EVC2: variants seen among roughly 807,000 people sequenced by gnomAD.
The protein encoded by EVC2 is EvC ciliary complex subunit 2, also known as limbin.
Under a neutral mutation model 149.3 loss-of-function variants are expected in EVC2, and 148 were observed. The ratio of observed to expected loss-of-function variants is 0.99; its 90% confidence interval spans 0.87 to 1.14. The LOEUF (loss-of-function observed/expected upper bound fraction) is 1.14. EVC2 is among the 50% of genes most tolerant of loss of function. EVC2 has a pLI of 0.00. For missense variants in EVC2, 1,854 were observed against 1,627.3 expected (o/e 1.14, Z -2.40); for synonymous variants, 776 against 649.9 (o/e 1.19, Z -2.95).
chr4:5,588,611 GCTAA>G (rs1366617117), intron 16 of EVC2, among the ~76,000 whole-genome samples: 12 of 151,892 alleles, frequency 7.9e-5, no homozygotes, highest in Non-Finnish European at 1.2e-4. Context: ...ATATCTTCAA[GCTAA>G]CTAATTTTTT....
chr4:5,546,612 GC>G (rs1292079943), intron 21 of EVC2, among the ~76,000 whole-genome samples: 2 of 151,944 alleles, frequency 1.3e-5, no homozygotes, highest in African/African-American at 4.8e-5. Flanking sequence ...TATACCTAAT[GC>G]TAAATGACGA....
chr4:5,639,933 A>G (rs1258286747), intron 10 of EVC2, among the ~76,000 whole-genome samples: 1 of 152,220 alleles, frequency 6.6e-6, no homozygotes. Context: ...ATTGTTCCCT[A>G]TACCTTCACT....
At chr4:5,655,415 G>C (rs1426439493) in intron 9 of EVC2, among the ~76,000 whole-genome samples, 1 of 152,128 alleles carries the variant, frequency 6.6e-6, no homozygotes, top group Non-Finnish European at 1.5e-5. Flanking sequence ...GGGTCCATGA[G>C]GACCCTCTTT....
intron 12 of EVC2, among the ~76,000 whole-genome samples, chr4:5,627,268 T>C (rs1057254446): frequency 6.6e-6 from 1 of 152,222 alleles, no homozygotes; most frequent in Non-Finnish European, 1.5e-5. Context: ...AATATAATTA[T>C]GTCTTTTAAA....
chr4:5,576,604 G>C lies in EVC2; in HGVS notation c.3058-150C>G, dbSNP rs988653653. ...CCAGCTGTGCCACATGGTGCAATGT[G>C]AGTGCACCACGATCTCTCACCCCTG... On this transcript the variant is annotated intron_variant, in intron 17 of 21. Transcript: ENST00000344408. The surrounding 1 kb of genome is among the most constrained non-coding windows in gnomAD (Gnocchi z 4.5). The C allele has an allele frequency of 7.2e-7, 1 of 1,387,894 alleles. No individual in the cohort carries two copies. Among genetic ancestry groups the C allele is most frequent in the Non-Finnish European group, 9.8e-7 (1 of 1,017,720 alleles). 86.0% of individuals were successfully genotyped at this position (1,387,894 alleles called of 1,614,324 possible).
At chr4:5,562,374 C>T (rs1391653323), downstream of EVC2, 9 of 894,814 alleles carry the variant, frequency 1.0e-5, no homozygotes, top group South Asian at 4.3e-5. The surrounding 1 kb of genome is among the most constrained non-coding windows in gnomAD (Gnocchi z 4.3). Flanking sequence ...GGGAACAAAA[C>T]GTAAGACGTA....
intron 16 of EVC2, among the ~76,000 whole-genome samples, chr4:5,603,515 C>T (rs977752695): frequency 1.3e-5 from 2 of 152,238 alleles, no homozygotes; most frequent in South Asian, 2.1e-4. Context: ...GATGCTTAAA[C>T]TCTAGTCCCT....
chr4:5,550,103 T>A (rs185365855), intron 21 of EVC2, among the ~76,000 whole-genome samples: 33 of 152,294 alleles, frequency 2.2e-4, no homozygotes, highest in Admixed American at 5.9e-4. Context: ...GTGTCTTTAT[T>A]AGCAGTGTGA....
At chr4:5,684,256 A>G (rs886222675) in intron 6 of EVC2, among the ~76,000 whole-genome samples, 1 of 152,082 alleles carries the variant, frequency 6.6e-6, no homozygotes, top group Non-Finnish European at 1.5e-5. Context: ...TGAATCTTGT[A>G]TTTAGCCTCT....
chr4:5,618,464 C>G lies in EVC2; in HGVS notation c.2706+14G>C. The G allele has an allele frequency of 1.2e-6, 2 of 1,612,454 alleles. No homozygotes were observed. The highest frequency in any genetic ancestry group is 1.7e-6 in the Non-Finnish European group (2 of 1,180,008). On this transcript the variant is annotated intron_variant, in intron 15 of 21. Transcript: ENST00000344408. The surrounding 1 kb of genome is among the most constrained non-coding windows in gnomAD (Gnocchi z 4.4). ...CCCTGCTTCTGTAATCGGCCACTGA[C>G]AGGTCCATCCTACCTGCAGCTCAGG...
intron 9 of EVC2, among the ~76,000 whole-genome samples, chr4:5,659,234 T>TTCTA (rs1718724928): frequency 6.6e-6 from 1 of 152,116 alleles, no homozygotes; most frequent in Non-Finnish European, 1.5e-5. Flanking sequence ...GAATTACAAA[T>TTCTA]GCGATAACTG....
At chr4:5,574,313 G>C (rs539180527) in intron 19 of EVC2, among the ~76,000 whole-genome samples, 64 of 152,278 alleles carry the variant, frequency 4.2e-4, no homozygotes, top group Non-Finnish European at 7.8e-4. Flanking sequence ...GGTGTAGTGT[G>C]GGGTGCAGTA....
chr4:5,639,193 T>G (rs926605116), intron 10 of EVC2, among the ~76,000 whole-genome samples: 3 of 152,136 alleles, frequency 2.0e-5, no homozygotes, highest in African/African-American at 4.8e-5. Flanking sequence ...CATCCATAGA[T>G]GGCCACAGTC....
intron 2 of EVC2, 85 bp downstream of exon 2, chr4:5,697,508 G>C: frequency 4.5e-6 from 6 of 1,334,784 alleles, no homozygotes; most frequent in Non-Finnish European, 6.5e-6. Context: ...TCAGCAGAGA[G>C]TGAGGGAGCT....
intron 4 of EVC2, among the ~76,000 whole-genome samples, chr4:5,690,148 T>C (rs902044723): frequency 6.6e-6 from 1 of 152,226 alleles, no homozygotes; most frequent in African/African-American, 2.4e-5. Flanking sequence ...CACACACTTA[T>C]AACTGCATGC....
At chr4:5,629,685 T>C (rs1188617783) in intron 11 of EVC2, among the ~76,000 whole-genome samples, 1 of 152,182 alleles carries the variant, frequency 6.6e-6, no homozygotes, top group South Asian at 2.1e-4. Context: ...ATTAGCATCA[T>C]CCAGTCAGTG....
At chr4:5,586,557 C>A (rs886370180) in intron 16 of EVC2, among the ~76,000 whole-genome samples, 1 of 152,166 alleles carries the variant, frequency 6.6e-6, no homozygotes, top group Admixed American at 6.5e-5. Flanking sequence ...AGAACAGACT[C>A]TTTAAGTCTC....
At chr4:5,560,070 T>C (rs1721909443), downstream of EVC2, among the ~76,000 whole-genome samples, 1 of 151,886 alleles carries the variant, frequency 6.6e-6, no homozygotes, top group Admixed American at 6.6e-5. This position sits in a 1 kb window ranked among gnomAD's most constrained non-coding sequence, Gnocchi z 4.1. Context: ...CAATTATTTA[T>C]TTTTGTGTTA....
intron 9 of EVC2, among the ~76,000 whole-genome samples, chr4:5,641,690 G>A (rs2108865679): frequency 6.6e-6 from 1 of 152,238 alleles, no homozygotes; most frequent in South Asian, 2.1e-4. Context: ...AAATACATCT[G>A]AAAACAAAGA....
Sources: allele counts gnomAD v4.1 joint callset (sites outside exome capture counted in the v4.1 genomes callset), GRCh38; gene constraint gnomAD v4.1.1; non-coding constraint Gnocchi (gnomAD v3.1); transcripts MANE v1.5; gene names NCBI Gene and HGNC (gene_info 2026-07-23, HGNC 2026-07-21).